The following XRN2 variants were observed in gnomAD, a reference collection of about 807,000 sequenced individuals.
XRN2 encodes the protein 5'-3' exoribonuclease 2.
Under a neutral mutation model 138.5 loss-of-function variants are expected in XRN2, and 44 were observed. That is an observed-to-expected ratio of 0.32 (90% CI 0.25 to 0.41). XRN2 has a LOEUF of 0.41. XRN2 is among the 10% of genes least tolerant of loss of function. The probability of loss-of-function intolerance (pLI) is 1.00; values close to 1 mark genes in which losing one functional copy is unlikely to be tolerated. For missense variants in XRN2, 937 were observed against 1,169.3 expected, an observed-to-expected ratio of 0.80 and a Z score of 2.90; for synonymous variants, 354 against 369.4, an observed-to-expected ratio of 0.96 and a Z score of 0.48.
At chr20:21,366,636 G>GACC (rs2038707937) in intron 26 of XRN2, among the ~76,000 whole-genome samples, 1 of 151,536 alleles carries the variant, frequency 6.6e-6, no homozygotes, top group South Asian at 2.1e-4. Context: ...CACCATGGCA[G>GACC]ACCACCACTA....
At chr20:21,324,311 A>G (rs2038091286) in intron 1 of XRN2, among the ~76,000 whole-genome samples, 1 of 152,060 alleles carries the variant, frequency 6.6e-6, no homozygotes, top group Non-Finnish European at 1.5e-5. Flanking sequence ...TCCAATTCTA[A>G]GTGCAACTTG....
Position 21,348,428 on chromosome 20 carries a change from C to T in XRN2, c.1861C>T (p.Pro621Ser), listed in dbSNP as rs757146008. 9.9e-6 allele frequency: 16 copies of T among 1,613,428 alleles called. No homozygotes were observed. Among genetic ancestry groups the T allele is most frequent in the Middle Eastern group, 3.3e-4 (2 of 6,054 alleles). Residue 621 changes from proline to serine, a missense_variant and splice_region_variant, in exon 19 of 30, where the codon CCT becomes TCT. Physicochemically the swap from Pro to Ser is moderately conservative, Grantham distance 74. Transcript: ENST00000377191. ...PPSWRKLMSD[P>S]DSSIIDFYPE... ...ATCATGGCGGAAGCTCATGAGTGATCCTGTGAGTCTCAGTATTTTGAGTGT... is the reference window on the plus strand; with the variant it reads ...ATCATGGCGGAAGCTCATGAGTGATTCTGTGAGTCTCAGTATTTTGAGTGT...
intron 20 of XRN2, among the ~76,000 whole-genome samples, chr20:21,350,768 C>A (rs571871103): frequency 3.5e-4 from 53 of 152,066 alleles, no homozygotes; most frequent in Middle Eastern, 3.4e-3. Flanking sequence ...ATAAATAATA[C>A]AATTTACAAA....
In XRN2 at chr20:21,381,262, T is replaced by A. The variant is rs140566434; in HGVS notation, c.2585-732T>A. Among the ~76,000 whole-genome samples the A allele has an allele frequency of 1.9e-3, 287 of 152,308 alleles. 1 individual carries two copies. Among genetic ancestry groups the A allele is most frequent in the African/African-American group, 6.6e-3 (275 of 41,572 alleles). ...TAGACAACTTCTGGAACCAGCAGTT[T>A]TAATTAGGTCACAGCAGACCCCGCT... On this transcript the variant is annotated intron_variant, in intron 27 of 29. Coordinates refer to ENST00000377191, the MANE Select transcript of XRN2 (RefSeq NM_012255.5).
At chr20:21,366,862 A>G (rs2038710669) in intron 26 of XRN2, among the ~76,000 whole-genome samples, 1 of 152,204 alleles carries the variant, frequency 6.6e-6, no homozygotes, top group Admixed American at 6.5e-5. Flanking sequence ...CCATTTATGT[A>G]TTGCTATATG....
chr20:21,366,995 A>T (rs942740814), intron 26 of XRN2, among the ~76,000 whole-genome samples: 6 of 152,306 alleles, frequency 3.9e-5, no homozygotes, highest in Middle Eastern at 3.4e-3. Flanking sequence ...TTAATGTATG[A>T]TGGAGACTCT....
At chr20:21,303,793 C>T (rs1181068214) in intron 1 of XRN2, 2 of 1,108,828 alleles carry the variant, frequency 1.8e-6, no homozygotes, top group Non-Finnish European at 2.2e-6. Flanking sequence ...CTCCAGACCG[C>T]GCATTTTGGG....
At position 21,303,879 on chromosome 20, in the gene XRN2, G is replaced by A. The variant is rs1301401952; in HGVS notation, c.75+406G>A. ...TGAGCTAGCGGGTTATGGATGCACG[G>A]ATTCGGAGGCCAGCTTTTTGACAAC... On this transcript the variant is annotated intron_variant, in intron 1 of 29. Transcript: ENST00000377191. 3 of 983,898 alleles carry A rather than the reference G, an allele frequency of 3.0e-6. No individual in the cohort carries two copies. In the African/African-American group the frequency reaches 5.2e-5, roughly 17 times the overall value. The allele number at this position is 983,898 out of a possible 1,614,324, so 60.9% of individuals were successfully genotyped here. A position where few individuals can be genotyped will look rare whatever the true frequency, so the allele number is the denominator to read the frequency against.
At chr20:21,353,611 G>A (rs975107037) in intron 20 of XRN2, among the ~76,000 whole-genome samples, 1 of 151,778 alleles carries the variant, frequency 6.6e-6, no homozygotes, top group Non-Finnish European at 1.5e-5. Flanking sequence ...CGTAACACAA[G>A]GAGACCTCAT....
chr20:21,310,527 A>G (rs2037865420), intron 1 of XRN2, among the ~76,000 whole-genome samples: 1 of 152,160 alleles, frequency 6.6e-6, no homozygotes, highest in Non-Finnish European at 1.5e-5. Flanking sequence ...TTTGGTGGAT[A>G]ATACACTTAT....
intron 1 of XRN2, among the ~76,000 whole-genome samples, chr20:21,324,960 C>G (rs1334035731): frequency 6.6e-6 from 1 of 152,186 alleles, no homozygotes; most frequent in Non-Finnish European, 1.5e-5. Flanking sequence ...AAGTAATTAG[C>G]AGTTGCTACC....
In XRN2 at chr20:21,307,041, T is replaced by A. The variant is rs1390624187; in HGVS notation, c.75+3568T>A. 7.9e-5 allele frequency among the ~76,000 whole-genome samples: 6 copies of A among 76,356 alleles called. 3 individuals carry two copies. Among genetic ancestry groups the A allele is most frequent in the Non-Finnish European group, 1.8e-4 (6 of 32,488 alleles). The allele number at this position is 76,356 out of a possible 152,430, so 50.1% of individuals were successfully genotyped here. ...GATTATTGTTATGTTTATTATTATT[T>A]CAGATGAGAAAATGGAAACACAGCA... On this transcript the variant is annotated intron_variant, in intron 1 of 29. Transcript: ENST00000377191.
intron 4 of XRN2, 40 bp downstream of exon 4, chr20:21,328,710 A>G (rs1011686287): frequency 6.3e-7 from 1 of 1,583,636 alleles, no homozygotes; most frequent in Non-Finnish European, 8.6e-7. Flanking sequence ...TTTTCATAAG[A>G]TGTATGCAGA....
chr20:21,367,565 C>A (rs1034467815), intron 26 of XRN2, among the ~76,000 whole-genome samples: 1 of 151,510 alleles, frequency 6.6e-6, no homozygotes, highest in African/African-American at 2.4e-5. Context: ...TTTACCGAAC[C>A]ACTCTGTGCC....
At chr20:21,356,727 C>T (rs2038580068) in intron 23 of XRN2, 62 bp downstream of exon 23, 1 of 1,384,418 alleles carries the variant, frequency 7.2e-7, no homozygotes, top group Non-Finnish European at 1.0e-6. Context: ...GATTTTTTTC[C>T]TTGTTGTCTA....
chr20:21,312,602 ATTTTTTTTTTTTT>A (rs375836250), intron 1 of XRN2, among the ~76,000 whole-genome samples: 1 of 137,282 alleles, frequency 7.3e-6, no homozygotes, highest in African/African-American at 2.8e-5. Flanking sequence ...AAACCCCAAG[ATTTTTTTTTTTTT>A]TTTTTTTTTT....
chr20:21,307,865 C>T lies in XRN2; in HGVS notation c.75+4392C>T, dbSNP rs917556700. Among the ~76,000 whole-genome samples, 5 of 77,844 alleles carry T rather than the reference C, an allele frequency of 6.4e-5. 2 individuals carry two copies. The highest frequency in any genetic ancestry group is 1.0e-4 in the African/African-American group (3 of 28,656). 51.1% of individuals were successfully genotyped at this position (77,844 alleles called of 152,430 possible). On this transcript the variant is annotated intron_variant, in intron 1 of 29. Transcript: ENST00000377191. ...TATAGTATATACTCATTTTTTGCCT[C>T]AGTTACTTTCATTCAGTATACTTAT... is the stretch of plus-strand genomic sequence containing the variant.
At position 21,344,121 on chromosome 20, in the gene XRN2, C is replaced by T; in HGVS notation, c.1442C>T (p.Thr481Ile). The change falls in exon 16 of 30, where the codon ACA (threonine) becomes ATA (isoleucine). Residue 481 changes from threonine to isoleucine, a missense_variant. Coordinates refer to ENST00000377191, the MANE Select transcript of XRN2 (RefSeq NM_012255.5). ...TCGATATCTCCTAATACGAGTTTCA[C>T]ATCTGATGGCTCCCCGTCTCCATTA... ...SPSISPNTSF[T>I]SDGSPSPLGG... 5.0e-6 allele frequency: 8 copies of T among 1,613,158 alleles called. No homozygotes were observed. The highest frequency in any genetic ancestry group is 1.1e-5 in the South Asian group (1 of 91,012).
At chr20:21,344,485 T>A (rs953890482) in intron 16 of XRN2, among the ~76,000 whole-genome samples, 2 of 152,170 alleles carry the variant, frequency 1.3e-5, no homozygotes, top group Non-Finnish European at 2.9e-5. Flanking sequence ...CGGCTAGATA[T>A]CATATCTAGG....
Sources: allele counts gnomAD v4.1 joint callset (sites outside exome capture counted in the v4.1 genomes callset), GRCh38; gene constraint gnomAD v4.1.1; transcripts MANE v1.5; gene names NCBI Gene and HGNC (gene_info 2026-07-23, HGNC 2026-07-21).